Variants in WDR33 observed in about 807,000 individuals in gnomAD.
WDR33 encodes WD repeat domain 33.
A neutral mutation model predicts 164.9 loss-of-function variants in WDR33; 47 were observed. The observed-to-expected ratio is 0.29, with a 90% CI of 0.23 to 0.36. WDR33 has a LOEUF of 0.36. Among genes scored for constraint, WDR33 ranks in the 10% least tolerant of loss-of-function variants. The pLI is 1.00. For missense variants in WDR33, 1,137 were observed against 1,754.1 expected (o/e 0.65, Z 6.28); for synonymous variants, 505 against 589.0 (o/e 0.86, Z 2.06).
At chr2:127,781,221 A>G (rs1031774361) in intron 1 of WDR33, among the ~76,000 whole-genome samples, 1 of 152,236 alleles carries the variant, frequency 6.6e-6, no homozygotes, top group African/African-American at 2.4e-5. Context: ...TAATAGACAC[A>G]TGAACATATC....
intron 1 of WDR33, among the ~76,000 whole-genome samples, chr2:127,781,486 A>T (rs1688366388): frequency 6.6e-6 from 1 of 152,184 alleles, no homozygotes; most frequent in Non-Finnish European, 1.5e-5. Flanking sequence ...TCTAAATAAG[A>T]TCTGCAGACC....
chr2:127,805,213 G>T (rs1325267707), intron 1 of WDR33, among the ~76,000 whole-genome samples: 1 of 151,392 alleles, frequency 6.6e-6, no homozygotes, highest in Non-Finnish European at 1.5e-5. Context: ...AAGTAGCTGG[G>T]ACTACAGGCG....
At chr2:127,780,546 G>T (rs7574967) in intron 1 of WDR33, among the ~76,000 whole-genome samples, 6,055 of 152,240 alleles carry the variant, frequency 0.04, 358 homozygotes, top group African/African-American at 0.13. Flanking sequence ...ATCTGTTAAA[G>T]AATAATCAAT....
intron 7 of WDR33, among the ~76,000 whole-genome samples, chr2:127,757,362 G>A (rs1404875910): frequency 1.3e-5 from 2 of 152,186 alleles, no homozygotes; most frequent in Middle Eastern, 3.4e-3. Flanking sequence ...ACACAAACTT[G>A]TTTAAATAAT....
rs951163111 is a variant in WDR33, at chr2:127,763,290, C to A, written c.627-131G>T. The A allele has an allele frequency of 2.2e-5, 32 of 1,486,204 alleles. No homozygotes were observed. The South Asian group carries it at 4.3e-4, about 20-fold the overall frequency. The allele number at this position is 1,486,204 out of a possible 1,614,324, so 92.1% of individuals were successfully genotyped here. ...GAGAGGGAAGAATCCAGTGAAGAAG[C>A]CCTTAAAGTGAATGTCGTCAGCTAA... On this transcript the variant is annotated intron_variant, in intron 6 of 21. Coordinates refer to ENST00000322313, the MANE Select transcript of WDR33 (RefSeq NM_018383.5). This position sits in a 1 kb window ranked among gnomAD's most constrained non-coding sequence, Gnocchi z 4.5.
chr2:127,744,031 C>T (rs1250149058), intron 7 of WDR33, among the ~76,000 whole-genome samples: 1 of 152,074 alleles, frequency 6.6e-6, no homozygotes, highest in East Asian at 1.9e-4. Context: ...AGACTTTTTA[C>T]CATGTGTGCT....
rs1558919345 is a variant in WDR33 at position 127,711,769 on chromosome 2, TATA to T, written c.3308+1811_3308+1813del. On this transcript the variant is annotated intron_variant, in intron 18 of 21. Transcript: ENST00000322313. The stretch of plus-strand genomic sequence containing the variant: ...ATATACAGATATATATATATATATA[TATA>T]TATATATATTTTTTTTTTGAGACAG... 3.9e-4 allele frequency among the ~76,000 whole-genome samples: 36 copies of T among 92,352 alleles called. 1 individual carries two copies. The highest frequency in any genetic ancestry group is 1.7e-3 in the African/African-American group (23 of 13,200). The allele number at this position is 92,352 out of a possible 152,430, so 60.6% of individuals were successfully genotyped here.
At chr2:127,707,763 G>A (rs1013871524) in intron 21 of WDR33, among the ~76,000 whole-genome samples, 1 of 152,180 alleles carries the variant, frequency 6.6e-6, no homozygotes, top group Admixed American at 6.5e-5. Flanking sequence ...CCAGGAGTTC[G>A]AGACCAGCCT....
At chr2:127,751,111 A>G (rs1687345382) in intron 7 of WDR33, among the ~76,000 whole-genome samples, 1 of 152,028 alleles carries the variant, frequency 6.6e-6, no homozygotes, top group Non-Finnish European at 1.5e-5. Context: ...CTATAATCTC[A>G]GTACTTTGGA....
At chr2:127,791,171 C>T (rs1457042653) in intron 1 of WDR33, among the ~76,000 whole-genome samples, 3 of 114,118 alleles carry the variant, frequency 2.6e-5, no homozygotes, top group African/African-American at 6.5e-5. Flanking sequence ...CCCACCCCCC[C>T]CCCCAGCAAC....
intron 1 of WDR33, among the ~76,000 whole-genome samples, chr2:127,781,360 G>A (rs1438898317): frequency 2.0e-5 from 3 of 152,174 alleles, no homozygotes; most frequent in South Asian, 4.1e-4. Flanking sequence ...GGTAACTCTT[G>A]TAGTGATAAA....
intron 1 of WDR33, among the ~76,000 whole-genome samples, chr2:127,798,397 G>GAAAAA (rs1689119038): frequency 9.6e-6 from 1 of 104,406 alleles, no homozygotes; most frequent in Non-Finnish European, 2.0e-5. Flanking sequence ...AAAAAAAAAT[G>GAAAAA]AATTTAAAAG....
rs1378513343 is a variant in WDR33 at position 127,721,311 on chromosome 2, T to C, written c.1671+525A>G. ...TCAGTAGAGGTGGGGTTTCACCATG[T>C]TGACCATGCTGGTCTCAAACTCCTG... On this transcript the variant is annotated intron_variant, in intron 15 of 21. Transcript: ENST00000322313. The surrounding 1 kb of genome is among the most constrained non-coding windows in gnomAD (Gnocchi z 4.9). 6.6e-6 allele frequency among the ~76,000 whole-genome samples: 1 copy of C among 152,052 alleles called. No individual in the cohort carries two copies. Among genetic ancestry groups the C allele is most frequent in the Non-Finnish European group, 1.5e-5 (1 of 67,996 alleles).
Position 127,708,960 on chromosome 2 carries a change from G to A in WDR33, c.3566-68C>T, listed in dbSNP as rs1686085641. 2 of 1,434,168 alleles carry A rather than the reference G, an allele frequency of 1.4e-6. No homozygotes were observed. Among genetic ancestry groups the A allele is most frequent in the East Asian group, 2.4e-5 (1 of 41,102 alleles). 88.8% of individuals were successfully genotyped at this position (1,434,168 alleles called of 1,614,324 possible). A position where few individuals can be genotyped will look rare whatever the true frequency, so the allele number is the denominator to read the frequency against. ...ACCAGAAGTAGATGGGAATGACACT[G>A]TGAGAGTAAGGAGCAACTCGAGAGC... On this transcript the variant is annotated intron_variant, in intron 20 of 21. Coordinates refer to ENST00000322313, the MANE Select transcript of WDR33 (RefSeq NM_018383.5). The surrounding 1 kb of genome is among the most constrained non-coding windows in gnomAD (Gnocchi z 6.7).
Position 127,709,364 on chromosome 2 carries a change from G to A in WDR33, c.3565+126C>T. ...CAAGTGCTGCGGCTGCAGGACAGGAGACAGCCCAGCCCCCCGGGAGACATG... is the reference window on the plus strand; with the variant it reads ...CAAGTGCTGCGGCTGCAGGACAGGAAACAGCCCAGCCCCCCGGGAGACATG... On this transcript the variant is annotated intron_variant, in intron 20 of 21. Transcript: ENST00000322313. The surrounding 1 kb of genome is among the most constrained non-coding windows in gnomAD (Gnocchi z 5.0). 6 of 886,528 alleles carry A rather than the reference G, an allele frequency of 6.8e-6. No individual in the cohort carries two copies. The highest frequency in any genetic ancestry group is 1.1e-5 in the Non-Finnish European group (6 of 553,320). The allele number at this position is 886,528 out of a possible 1,614,324, so 54.9% of individuals were successfully genotyped here.
chr2:127,702,795 T>C lies in WDR33; in HGVS notation c.*3528A>G, dbSNP rs943384158. 6.0e-6 allele frequency: 1 copy of C among 167,038 alleles called. No homozygotes were observed. Among genetic ancestry groups the C allele is most frequent in the African/African-American group, 2.4e-5 (1 of 41,450 alleles). 10.3% of individuals were successfully genotyped at this position (167,038 alleles called of 1,614,324 possible). On this transcript the variant is annotated 3_prime_UTR_variant, in exon 22 of 22. Transcript: ENST00000322313. ...ATGAAAGGAAAATTAGTTGTGTATTTCACGACGAAAGCGACGGACCAAAAG... is the reference window on the plus strand; with the variant it reads ...ATGAAAGGAAAATTAGTTGTGTATTCCACGACGAAAGCGACGGACCAAAAG...
intron 1 of WDR33, among the ~76,000 whole-genome samples, chr2:127,788,481 C>G (rs1688697706): frequency 7.4e-6 from 1 of 135,482 alleles, no homozygotes; most frequent in Non-Finnish European, 1.6e-5. Flanking sequence ...GGCTGACACC[C>G]CCACCTCCCT....
At position 127,702,279 on chromosome 2, in the gene WDR33, C is replaced by G. The variant is rs953515558; in HGVS notation, c.*4044G>C. 3.3e-5 allele frequency: 36 copies of G among 1,093,258 alleles called. No individual in the cohort carries two copies. Among genetic ancestry groups the G allele is most frequent in the South Asian group, 3.2e-4 (7 of 21,900 alleles). The allele number at this position is 1,093,258 out of a possible 1,614,324, so 67.7% of individuals were successfully genotyped here. A position where few individuals can be genotyped will look rare whatever the true frequency, so the allele number is the denominator to read the frequency against. Reference sequence around the variant, plus strand: ...CACGCCGCTGTGCGGAAGCCCGTGGCGAAGGCCCTGCCCTAACAGCCTGCG... The same window carrying G: ...CACGCCGCTGTGCGGAAGCCCGTGGGGAAGGCCCTGCCCTAACAGCCTGCG... On this transcript the variant is annotated 3_prime_UTR_variant, in exon 22 of 22. Transcript: ENST00000322313.
chr2:127,773,220 T>C (rs982752069), intron 1 of WDR33, among the ~76,000 whole-genome samples: 1 of 152,250 alleles, frequency 6.6e-6, no homozygotes, highest in Non-Finnish European at 1.5e-5. Flanking sequence ...CAATTGCTTT[T>C]GTTTCAAAAC....
Sources: allele counts gnomAD v4.1 joint callset (sites outside exome capture counted in the v4.1 genomes callset), GRCh38; gene constraint gnomAD v4.1.1; non-coding constraint Gnocchi (gnomAD v3.1); transcripts MANE v1.5; gene names NCBI Gene and HGNC (gene_info 2026-07-23, HGNC 2026-07-21).